Variants in SAMD3 observed in about 807,000 individuals in gnomAD.
SAMD3 encodes sterile alpha motif domain containing 3, also known as sterile alpha motif domain-containing protein 3.
A neutral mutation model predicts 58.5 loss-of-function variants in SAMD3; 63 were observed. The ratio of observed to expected loss-of-function variants is 1.08; its 90% CI spans 0.88 to 1.33. The LOEUF is 1.33. SAMD3 is among the 40% of genes most tolerant of loss of function. The probability of loss-of-function intolerance (pLI) is 0.00; values close to 1 mark genes in which losing one functional copy is unlikely to be tolerated. For missense variants in SAMD3, 604 were observed against 608.4 expected (o/e 0.99, Z 0.08); for synonymous variants, 220 against 210.3 (o/e 1.05, Z -0.40).
chr6:130,336,554 G>T (rs1251320300), intron 1 of SAMD3, among the ~76,000 whole-genome samples: 3 of 152,096 alleles, frequency 2.0e-5, no homozygotes, highest in Admixed American at 2.0e-4. Flanking sequence ...TCTCATATTT[G>T]TGTTTCCCAT....
intron 1 of SAMD3, among the ~76,000 whole-genome samples, chr6:130,327,858 A>C (rs762196440): frequency 1.3e-5 from 2 of 152,246 alleles, no homozygotes; most frequent in African/African-American, 2.4e-5. Context: ...CTATACGTGA[A>C]GAGATCAACA....
chr6:130,271,113 C>T lies in SAMD3; in HGVS notation c.-188+41865G>A, dbSNP rs1774547149. On this transcript the variant is annotated intron_variant, in intron 2 of 13. Coordinates refer to the SAMD3 transcript ENST00000368134. ...CTCCTGGGCTCAAGCGATTCTCCTG[C>T]CTTTGCCTCCCAAGTAGCTGGGACT... Among the ~76,000 whole-genome samples the T allele has an allele frequency of 3.3e-5, 5 of 152,146 alleles. No homozygotes were observed. The South Asian group carries it at 1.0e-3, about 32-fold the overall frequency.
chr6:130,157,231 G>A (rs535998873), intron 8 of SAMD3, among the ~76,000 whole-genome samples: 6 of 151,668 alleles, frequency 4.0e-5, no homozygotes, highest in Admixed American at 1.3e-4. Flanking sequence ...TTCAAATAAC[G>A]CAGAAAAAGT....
chr6:130,182,357 C>A (rs1282301772), intron 7 of SAMD3, among the ~76,000 whole-genome samples: 1 of 151,916 alleles, frequency 6.6e-6, no homozygotes, highest in Non-Finnish European at 1.5e-5. Context: ...AGCAAGAATA[C>A]CTGAATTCTA....
chr6:130,143,194 T>C (rs1788362660), downstream of SAMD3: 1 of 152,238 alleles, frequency 6.6e-6, no homozygotes, highest in African/African-American at 2.4e-5. Flanking sequence ...TTTCCAGAGA[T>C]GGGTAGTGTA....
chr6:130,328,963 A>C (rs1272868653), intron 1 of SAMD3, among the ~76,000 whole-genome samples: 1 of 152,220 alleles, frequency 6.6e-6, no homozygotes, highest in East Asian at 1.9e-4. Context: ...GAGGGAAACG[A>C]GAATATAAGA....
At chr6:130,201,009 AG>A (rs1201590913) in intron 5 of SAMD3, among the ~76,000 whole-genome samples, 1 of 152,178 alleles carries the variant, frequency 6.6e-6, no homozygotes, top group East Asian at 1.9e-4. Context: ...TACAGGAGAA[AG>A]TTTACCACCC....
chr6:130,277,973 T>C (rs1229775805), intron 2 of SAMD3, among the ~76,000 whole-genome samples: 2 of 152,174 alleles, frequency 1.3e-5, no homozygotes, highest in Non-Finnish European at 2.9e-5. Flanking sequence ...TTTGTAGGAC[T>C]AACAAAGTAG....
At chr6:130,276,618 T>A (rs943810416) in intron 2 of SAMD3, among the ~76,000 whole-genome samples, 2 of 152,192 alleles carry the variant, frequency 1.3e-5, no homozygotes, top group African/African-American at 4.8e-5. Context: ...AACCTATGTA[T>A]GTATATACAC....
rs2114588430 is a variant in SAMD3 at position 130,155,025 on chromosome 6, C to A, written c.823G>T (p.Glu275Ter). Residue 275 changes from glutamate (E) to a stop codon, truncating the protein, a stop_gained and splice_region_variant, in exon 9 of 12, where the codon GAA becomes TAA. Transcript: ENST00000439090. LOFTEE classifies it high-confidence loss of function. ...FDEIKLVQIK[E>*]EAVCFDSELD... ...TCAGAATCAAAACAAACAGCTTCTT[C>A]CTGCAAAACATTTTCAACATATCAA... 1 of 1,611,608 alleles carries A rather than the reference C, an allele frequency of 6.2e-7. No individual in the cohort carries two copies. The highest frequency in any genetic ancestry group is 2.2e-5 in the East Asian group (1 of 44,722).
intron 5 of SAMD3, among the ~76,000 whole-genome samples, chr6:130,188,270 C>T (rs1357870506): frequency 2.6e-5 from 4 of 152,132 alleles, no homozygotes; most frequent in East Asian, 1.9e-4. Flanking sequence ...AGGTGAGCAC[C>T]AGCTCTCTAA....
intron 2 of SAMD3, among the ~76,000 whole-genome samples, chr6:130,243,386 C>T (rs1773431163): frequency 6.6e-6 from 1 of 152,138 alleles, no homozygotes; most frequent in Non-Finnish European, 1.5e-5. Flanking sequence ...CTCTACCTCC[C>T]CATGGCTCAC....
At chr6:130,208,587 G>C (rs890288262) in intron 5 of SAMD3, among the ~76,000 whole-genome samples, 8 of 152,156 alleles carry the variant, frequency 5.3e-5, no homozygotes, top group African/African-American at 1.9e-4. Context: ...TGCATGTGAA[G>C]GATCTAGGTT....
At chr6:130,165,588 T>G (rs1231069332) in intron 8 of SAMD3, among the ~76,000 whole-genome samples, 1 of 152,134 alleles carries the variant, frequency 6.6e-6, no homozygotes. Flanking sequence ...CAGCCATAAA[T>G]GTAAAGAGCT....
chr6:130,330,720 T>C (rs1450059121), intron 1 of SAMD3, among the ~76,000 whole-genome samples: 1 of 151,486 alleles, frequency 6.6e-6, no homozygotes, highest in East Asian at 1.9e-4. Flanking sequence ...AGGGGTAGAT[T>C]GGAGGTGGCT....
At chr6:130,311,104 C>T (rs1057231080) in intron 2 of SAMD3, among the ~76,000 whole-genome samples, 4 of 152,128 alleles carry the variant, frequency 2.6e-5, no homozygotes. Flanking sequence ...CCGTGCACCA[C>T]CTCACCTCCT....
chr6:130,271,259 C>T (rs186050006), intron 2 of SAMD3, among the ~76,000 whole-genome samples: 1 of 152,128 alleles, frequency 6.6e-6, no homozygotes, highest in Non-Finnish European at 1.5e-5. Flanking sequence ...CTCAGCCTCC[C>T]AAAGTGCTGG....
At chr6:130,204,507 G>A (rs1794908811) in intron 5 of SAMD3, among the ~76,000 whole-genome samples, 1 of 151,826 alleles carries the variant, frequency 6.6e-6, no homozygotes. Context: ...TGAGGTGGGA[G>A]GACTGTTTGA....
At chr6:130,248,374 C>T (rs1034267900) in intron 2 of SAMD3, among the ~76,000 whole-genome samples, 3 of 152,140 alleles carry the variant, frequency 2.0e-5, no homozygotes. Flanking sequence ...AGCAGTGTTC[C>T]TCTGGTTCTG....
Sources: allele counts gnomAD v4.1 joint callset (sites outside exome capture counted in the v4.1 genomes callset), GRCh38; gene constraint gnomAD v4.1.1; transcripts MANE v1.5; gene names NCBI Gene and HGNC (gene_info 2026-07-23, HGNC 2026-07-21).